PTGIS: variants seen among roughly 807,000 people sequenced by gnomAD.
PTGIS encodes prostacyclin synthase.
Under a neutral mutation model 50.3 loss-of-function variants are expected in PTGIS, and 45 were observed. That is an observed-to-expected ratio of 0.90 (90% CI 0.70 to 1.15). The LOEUF is 1.15. Ranked by LOEUF, PTGIS falls within the 50% of genes most tolerant of loss-of-function variation. The probability of loss-of-function intolerance (pLI) is 0.00; values close to 1 mark genes in which losing one functional copy is unlikely to be tolerated. For missense variants in PTGIS, 668 were observed against 661.3 expected (o/e 1.01, Z -0.11); for synonymous variants, 260 against 267.7 (o/e 0.97, Z 0.28).
intron 4 of PTGIS, among the ~76,000 whole-genome samples, chr20:49,542,629 G>A (rs1305724323): frequency 6.6e-6 from 1 of 152,184 alleles, no homozygotes. Flanking sequence ...AACTTGCTGG[G>A]TGGTTTCAGC....
In PTGIS at chr20:49,506,094, T is replaced by G. The variant is rs1452103816; in HGVS notation, c.*1826A>C. 1 of 152,652 alleles carries G rather than the reference T, an allele frequency of 6.6e-6. No homozygotes were observed. The highest frequency in any genetic ancestry group is 6.5e-5 in the Admixed American group (1 of 15,284). The allele number at this position is 152,652 out of a possible 1,614,324, so 9.5% of individuals were successfully genotyped here. A position where few individuals can be genotyped will look rare whatever the true frequency, so the allele number is the denominator to read the frequency against. The stretch of plus-strand genomic sequence containing the variant: ...CTTGAGCCCAAAGAACAGGAGTTGC[T>G]CATCCAGCATTTGCTCCTGGGACAG... On this transcript the variant is annotated 3_prime_UTR_variant, in exon 10 of 10. Transcript: ENST00000244043.
At chr20:49,555,166 G>A (rs1353998494) in intron 1 of PTGIS, among the ~76,000 whole-genome samples, 4 of 152,044 alleles carry the variant, frequency 2.6e-5, no homozygotes, top group African/African-American at 7.2e-5. Flanking sequence ...CCAGCTAGTC[G>A]GGAGTCTGAG....
chr20:49,519,395 C>A (rs1232998949), intron 6 of PTGIS, among the ~76,000 whole-genome samples: 1 of 152,076 alleles, frequency 6.6e-6, no homozygotes, highest in Non-Finnish European at 1.5e-5. Context: ...CCTGACTCAT[C>A]ATCTCCGACC....
At position 49,519,970 on chromosome 20, in the gene PTGIS, C is replaced by A. The variant is rs566395897; in HGVS notation, c.855+4088G>T. ...TCTCCCTGCCTCTGCTTCCCCACCC[C>A]CTACAGTCTCTTGTCAGCGCTGCAG... On this transcript the variant is annotated intron_variant, in intron 6 of 9. Transcript: ENST00000244043. 5.9e-5 allele frequency among the ~76,000 whole-genome samples: 9 copies of A among 152,312 alleles called. No homozygotes were observed. In the East Asian group the frequency reaches 1.7e-3, roughly 29 times the overall value.
At position 49,544,374 on chromosome 20, in the gene PTGIS, T is replaced by C. The variant is rs750387220; in HGVS notation, c.452A>G (p.Asp151Gly). The C allele has an allele frequency of 3.7e-6, 6 of 1,614,118 alleles. No individual in the cohort carries two copies. The East Asian group carries it at 1.1e-4, about 30-fold the overall frequency. The change falls in exon 4 of 10, where the codon GAT becomes GGT. Residue 151 changes from aspartate (D) to glycine (G), a missense_variant. Asp to Gly is a moderately conservative substitution (Grantham distance 94, BLOSUM62 -1). Coordinates refer to ENST00000244043, the MANE Select transcript of PTGIS (RefSeq NM_000961.4). ...CCAGCCACTGCCTGCTTCTGTAGCA[T>C]CGCCCAACAGCACTGCATGGAGGTT... ...YTNLHAVLLG[D>G]ATEAGSGWHE... is the part of the protein sequence containing the mutation.
chr20:49,556,168 A>G (rs1433123915), intron 1 of PTGIS, among the ~76,000 whole-genome samples: 1 of 151,954 alleles, frequency 6.6e-6, no homozygotes, highest in African/African-American at 2.4e-5. Flanking sequence ...CTCTTTACCT[A>G]TTTTTTCCAA....
intron 6 of PTGIS, among the ~76,000 whole-genome samples, chr20:49,515,976 G>A (rs1981462942): frequency 6.6e-6 from 1 of 151,874 alleles, no homozygotes; most frequent in African/African-American, 2.4e-5. Context: ...GACCTCCTAG[G>A]CTCAAGTGAT....
intron 6 of PTGIS, among the ~76,000 whole-genome samples, chr20:49,521,268 A>C (rs1981645255): frequency 6.6e-6 from 1 of 152,206 alleles, no homozygotes; most frequent in African/African-American, 2.4e-5. Context: ...CTTGCCAGGA[A>C]GTGTCAAAAT....
intron 6 of PTGIS, among the ~76,000 whole-genome samples, chr20:49,518,289 G>A (rs1005400535): frequency 5.3e-5 from 8 of 152,216 alleles, no homozygotes; most frequent in African/African-American, 1.9e-4. Context: ...CGATGGAGAG[G>A]CGAGGCATTG....
At position 49,522,748 on chromosome 20, in the gene PTGIS, G is replaced by A. The variant is rs115553640; in HGVS notation, c.855+1310C>T. Among the ~76,000 whole-genome samples, 1,103 of 152,280 alleles carry A rather than the reference G, an allele frequency of 7.2e-3. 18 individuals are homozygous for A. The highest frequency in any genetic ancestry group is 0.025 in the African/African-American group (1,041 of 41,548). The stretch of plus-strand genomic sequence containing the variant: ...GTGCCAGATTAAAGAAAATGGGTCG[G>A]GTGCAGTGGCTCATGCCTGTAATCT... On this transcript the variant is annotated intron_variant, in intron 6 of 9. Transcript: ENST00000244043.
chr20:49,560,649 G>A (rs1323021746), intron 1 of PTGIS, among the ~76,000 whole-genome samples: 1 of 152,248 alleles, frequency 6.6e-6, no homozygotes, highest in Non-Finnish European at 1.5e-5. Flanking sequence ...AAGACCAGAA[G>A]GATGTGAAGG....
chr20:49,549,492 C>T, intron 2 of PTGIS, among the ~76,000 whole-genome samples: 1 of 152,184 alleles, frequency 6.6e-6, no homozygotes, highest in East Asian at 1.9e-4. Context: ...CCCATGGATA[C>T]AGGGGGCCAA....
intron 1 of PTGIS, among the ~76,000 whole-genome samples, chr20:49,559,034 C>T (rs1405378867): frequency 2.6e-5 from 4 of 151,954 alleles, no homozygotes; most frequent in South Asian, 2.1e-4. Context: ...CATTCTTAAG[C>T]GCAGGATGTT....
Position 49,508,007 on chromosome 20 carries a change from C to T in PTGIS, c.1416G>A (p.Glu472=). ...ACCTGCTGAGGTCAAACTCAGGGAT[C>T]TCCACATCTGCGTTGATCAGCTCCA... ...LDLELINADV[E]IPEFDLSRYG... The change falls in exon 10 of 10, where the codon GAG becomes GAA. Residue 472 remains glutamate, a synonymous_variant. Coordinates refer to ENST00000244043, the MANE Select transcript of PTGIS (RefSeq NM_000961.4). The T allele has an allele frequency of 1.2e-6, 2 of 1,614,028 alleles. No homozygotes were observed. Among genetic ancestry groups the T allele is most frequent in the South Asian group, 1.1e-5 (1 of 91,082 alleles).
intron 5 of PTGIS, among the ~76,000 whole-genome samples, chr20:49,532,162 G>T (rs1676353042): frequency 1.3e-5 from 2 of 152,122 alleles, no homozygotes; most frequent in African/African-American, 4.8e-5. Flanking sequence ...TAATATTTTA[G>T]ATGTATTGGC....
Position 49,507,319 on chromosome 20 carries a change from G to C in PTGIS, c.*601C>G, listed in dbSNP as rs548006331. ...CCTGTTCTGCACCGGGAATGCATCA[G>C]CCTTGGGGGAAGCTCTCCTGCATTT... On this transcript the variant is annotated 3_prime_UTR_variant, in exon 10 of 10. Transcript: ENST00000244043. 199 of 186,568 alleles carry C rather than the reference G, an allele frequency of 1.1e-3. No individual in the cohort carries two copies. The highest frequency in any genetic ancestry group is 2.1e-3 in the Non-Finnish European group (184 of 88,416). 11.6% of individuals were successfully genotyped at this position (186,568 alleles called of 1,614,324 possible).
intron 5 of PTGIS, among the ~76,000 whole-genome samples, chr20:49,536,474 C>CTTTTTT (rs1982073506): frequency 8.0e-6 from 1 of 125,604 alleles, no homozygotes; most frequent in Non-Finnish European, 1.6e-5. Flanking sequence ...TTCTTTCTTT[C>CTTTTTT]TTTCTTTTTT....
At chr20:49,563,033 C>A (rs1462466348) in intron 1 of PTGIS, among the ~76,000 whole-genome samples, 1 of 152,196 alleles carries the variant, frequency 6.6e-6, no homozygotes, top group Non-Finnish European at 1.5e-5. Flanking sequence ...GCAGGTTAAG[C>A]ACTTGACACA....
At chr20:49,545,187 CCTGAGT>C (rs1221914281) in intron 3 of PTGIS, among the ~76,000 whole-genome samples, 1 of 152,100 alleles carries the variant, frequency 6.6e-6, no homozygotes, top group Non-Finnish European at 1.5e-5. Flanking sequence ...GGGAGGATCG[CCTGAGT>C]CTAAGAGTTC....
Sources: allele counts gnomAD v4.1 joint callset (sites outside exome capture counted in the v4.1 genomes callset), GRCh38; gene constraint gnomAD v4.1.1; transcripts MANE v1.5; gene names NCBI Gene and HGNC (gene_info 2026-07-23, HGNC 2026-07-21).